The following CR1L variants were observed in gnomAD, a reference collection of about 807,000 sequenced individuals.
CR1L encodes the protein complement component receptor 1-like protein.
CR1L carries 59 observed loss-of-function variants against 62.3 expected under a neutral mutation model. That is an observed-to-expected ratio of 0.95 (90% CI 0.77 to 1.18). The LOEUF is 1.18. Ranked by LOEUF, CR1L falls within the 50% of genes most tolerant of loss-of-function variation. CR1L has a pLI of 0.00. For synonymous variants in CR1L, 279 were observed against 248.7 expected (o/e 1.12, Z -1.15); for missense variants, 700 against 702.8 (o/e 1.00, Z 0.04).
At chr1:207,648,059 G>A (rs1235410820) in intron 1 of CR1L, among the ~76,000 whole-genome samples, 1 of 151,858 alleles carries the variant, frequency 6.6e-6, no homozygotes, top group African/African-American at 2.4e-5. Context: ...AGCTACTTGG[G>A]AGGCTGAAGG....
chr1:207,694,668 C>T lies in CR1L; in HGVS notation c.779C>T (p.Pro260Leu). ...LNEVVEFRCQ[P>L]GFGMKGPSHV... ...GAAGTTGTGGAGTTTAGGTGTCAGCCTGGCTTTGGCATGAAAGGGCCCTCC... is the reference window on the plus strand; with the variant it reads ...GAAGTTGTGGAGTTTAGGTGTCAGCTTGGCTTTGGCATGAAAGGGCCCTCC... The change falls in exon 5 of 12, where the codon CCT becomes CTT. Residue 260 changes from proline to leucine, a missense_variant. Pro to Leu is a moderately conservative substitution (Grantham distance 98). Transcript: ENST00000508064. The T allele has an allele frequency of 6.2e-7, 1 of 1,611,872 alleles. No individual in the cohort carries two copies. Among genetic ancestry groups the T allele is most frequent in the African/African-American group, 1.3e-5 (1 of 74,986 alleles).
At chr1:207,680,392 G>A (rs1361693727) in intron 3 of CR1L, among the ~76,000 whole-genome samples, 1 of 152,016 alleles carries the variant, frequency 6.6e-6, no homozygotes, top group East Asian at 1.9e-4. Flanking sequence ...CAAAACTGGT[G>A]GATCATACCT....
Position 207,708,211 on chromosome 1 carries a change from T to C in CR1L, c.1362T>C (p.Cys454=), listed in dbSNP as rs762852611. ...TCATTGGTCACTCATCTGCTGAATG[T>C]ATCCTCTCGGGCAATACTGCCCATT... ...HRLIGHSSAE[C]ILSGNTAHWS... is the part of the protein sequence containing the mutation. The change falls in exon 10 of 12, where the codon TGT becomes TGC. Residue 454 remains cysteine, a synonymous_variant. Coordinates refer to ENST00000508064, the MANE Select transcript of CR1L (RefSeq NM_175710.2). 1 of 1,611,524 alleles carries C rather than the reference T, an allele frequency of 6.2e-7. No homozygotes were observed. Among genetic ancestry groups the C allele is most frequent in the Non-Finnish European group, 8.5e-7 (1 of 1,179,476 alleles).
intron 4 of CR1L, among the ~76,000 whole-genome samples, chr1:207,688,440 CA>C (rs35198320): frequency 0.039 from 5,840 of 151,114 alleles, 181 homozygotes; most frequent in South Asian, 0.12. Context: ...ACTATAATGG[CA>C]AAAAAAACTG....
At chr1:207,677,771 C>A (rs558889058) in intron 2 of CR1L, among the ~76,000 whole-genome samples, 28 of 152,228 alleles carry the variant, frequency 1.8e-4, no homozygotes, top group African/African-American at 5.5e-4. Context: ...CATGAGAAAC[C>A]GTCATTGCAG....
chr1:207,645,814 G>T (rs11118238), intron 1 of CR1L, among the ~76,000 whole-genome samples: 68,518 of 152,016 alleles, frequency 0.45, 15,660 homozygotes, highest in East Asian at 0.67. Context: ...TGCGTCTGCT[G>T]TGCCCCATGG....
intron 1 of CR1L, among the ~76,000 whole-genome samples, chr1:207,662,726 ATTT>A (rs1663444871): frequency 6.6e-6 from 1 of 152,026 alleles, no homozygotes; most frequent in African/African-American, 2.4e-5. Context: ...AAGCGCTCTG[ATTT>A]TTAGTGTTTC....
At position 207,697,526 on chromosome 1, in the gene CR1L, CTGCA is replaced by C; in HGVS notation, c.890_893del (p.His297LeufsTer50). 1 of 1,613,764 alleles carries C rather than the reference CTGCA, an allele frequency of 6.2e-7. No homozygotes were observed. The highest frequency in any genetic ancestry group is 8.5e-7 in the Non-Finnish European group (1 of 1,179,724). ...AGTATGTCAGCCACCTCCAGATGTC[CTGCA>C]TGCTGAGCGTACCCAAAGGGACAAG... is the stretch of plus-strand genomic sequence containing the variant. On this transcript the variant is annotated frameshift_variant, in exon 6 of 12. Coordinates refer to ENST00000508064, the MANE Select transcript of CR1L (RefSeq NM_175710.2). LOFTEE classifies it high-confidence loss of function.
Position 207,699,285 on chromosome 1 carries a change from G to A in CR1L, c.1228+11G>A. 6.2e-7 allele frequency: 1 copy of A among 1,613,548 alleles called. No homozygotes were observed. The highest frequency in any genetic ancestry group is 8.5e-7 in the Non-Finnish European group (1 of 1,179,536). Reference sequence around the variant, plus strand: ...TTCCAGTGTGTGAACGTAAGTAATAGGAGTAACATTTCAGGCCAATCTCTC... The same window carrying A: ...TTCCAGTGTGTGAACGTAAGTAATAAGAGTAACATTTCAGGCCAATCTCTC... On this transcript the variant is annotated intron_variant, in intron 8 of 11. Coordinates refer to ENST00000508064, the MANE Select transcript of CR1L (RefSeq NM_175710.2).
chr1:207,697,558 C>T lies in CR1L; in HGVS notation c.918C>T (p.Asp306=), dbSNP rs747515235. 1.2e-6 allele frequency: 2 copies of T among 1,613,840 alleles called. No homozygotes were observed. Among genetic ancestry groups the T allele is most frequent in the Non-Finnish European group, 1.7e-6 (2 of 1,179,754 alleles). The stretch of plus-strand genomic sequence containing the variant: ...CTGAGCGTACCCAAAGGGACAAGGA[C>T]AACTTTTCACCCGGGCAGGAAGTGT... The part of the protein sequence containing the change: ...LHAERTQRDK[D]NFSPGQEVFY... Residue 306 remains aspartate (D), a synonymous_variant, in exon 6 of 12, where the codon GAC becomes GAT. Transcript: ENST00000508064.
At chr1:207,692,114 C>T (rs1350366098) in intron 4 of CR1L, among the ~76,000 whole-genome samples, 2 of 152,176 alleles carry the variant, frequency 1.3e-5, no homozygotes, top group Non-Finnish European at 2.9e-5. Flanking sequence ...GAGTAACCTA[C>T]GGTCTGTTTA....
chr1:207,691,037 AAGG>A (rs1663988101), intron 4 of CR1L, among the ~76,000 whole-genome samples: 1 of 152,202 alleles, frequency 6.6e-6, no homozygotes, highest in South Asian at 2.1e-4. Context: ...GATATTTTTT[AAGG>A]AGGACAGTGG....
At chr1:207,714,695 A>G (rs1441868754) in intron 10 of CR1L, among the ~76,000 whole-genome samples, 1 of 152,144 alleles carries the variant, frequency 6.6e-6, no homozygotes, top group Non-Finnish European at 1.5e-5. Flanking sequence ...ATGATTTCCA[A>G]TTTCAGAACG....
At chr1:207,721,519 A>T (rs1654137338) in intron 11 of CR1L, among the ~76,000 whole-genome samples, 10 of 149,416 alleles carry the variant, frequency 6.7e-5, no homozygotes, top group South Asian at 2.2e-4. Context: ...AAGGACATGA[A>T]CTCATCATTT....
chr1:207,686,434 A>T, intron 4 of CR1L, among the ~76,000 whole-genome samples: 1 of 152,138 alleles, frequency 6.6e-6, no homozygotes, highest in Middle Eastern at 3.4e-3. Flanking sequence ...TCTTTGAAAC[A>T]TGTTGAAGTT....
chr1:207,714,503 G>T (rs1653938315), intron 10 of CR1L, among the ~76,000 whole-genome samples: 1 of 152,168 alleles, frequency 6.6e-6, no homozygotes, highest in South Asian at 2.1e-4. Flanking sequence ...CGCCCCATCT[G>T]CCTGTGATTT....
At chr1:207,665,628 C>T (rs184966824) in intron 1 of CR1L, among the ~76,000 whole-genome samples, 73 of 151,100 alleles carry the variant, frequency 4.8e-4, no homozygotes, top group African/African-American at 1.6e-3. Context: ...CTCCTGACCT[C>T]GTGATCCACC....
chr1:207,677,044 C>T (rs565867177), intron 1 of CR1L, among the ~76,000 whole-genome samples: 169 of 152,156 alleles, frequency 1.1e-3, no homozygotes, highest in Non-Finnish European at 1.9e-3. Flanking sequence ...GTGGGAATTT[C>T]AGCAGGGCAT....
chr1:207,719,287 A>AT (rs1654078129), intron 11 of CR1L, among the ~76,000 whole-genome samples: 2 of 151,290 alleles, frequency 1.3e-5, no homozygotes, highest in Non-Finnish European at 3.0e-5. Flanking sequence ...AAAAAAAAAA[A>AT]GAAAAATAAA....
Sources: allele counts gnomAD v4.1 joint callset (sites outside exome capture counted in the v4.1 genomes callset), GRCh38; gene constraint gnomAD v4.1.1; transcripts MANE v1.5; gene names NCBI Gene and HGNC (gene_info 2026-07-23, HGNC 2026-07-21).